The following XKR4 variants were observed in gnomAD, a reference collection of about 807,000 sequenced individuals.
The protein encoded by XKR4 is XK related 4.
Under a neutral mutation model 53.9 loss-of-function variants are expected in XKR4, and 12 were observed. That is an observed-to-expected ratio of 0.22 (90% CI 0.14 to 0.36). The LOEUF is 0.36. Ranked by LOEUF, XKR4 falls within the 10% of genes least tolerant of loss-of-function variation. XKR4 has a pLI of 1.00. For missense variants in XKR4, 799 were observed against 859.5 expected, an observed-to-expected ratio of 0.93 and a Z score of 0.88; for synonymous variants, 354 against 362.4, an observed-to-expected ratio of 0.98 and a Z score of 0.26.
At chr8:55,256,248 T>C (rs114097018) in intron 1 of XKR4, among the ~76,000 whole-genome samples, 1 of 152,202 alleles carries the variant, frequency 6.6e-6, no homozygotes, top group Non-Finnish European at 1.5e-5. Flanking sequence ...TTGGGTCTTA[T>C]GGATCTTATT....
chr8:55,200,548 T>C (rs34601586), intron 1 of XKR4, among the ~76,000 whole-genome samples: 30,642 of 152,160 alleles, frequency 0.2, 3,178 homozygotes, highest in Non-Finnish European at 0.22. Context: ...AAAATGTTTA[T>C]GGAAATAGAA....
chr8:55,106,326 A>G (rs1271320042), intron 1 of XKR4, among the ~76,000 whole-genome samples: 1 of 152,210 alleles, frequency 6.6e-6, no homozygotes, highest in African/African-American at 2.4e-5. Context: ...AACTGCTAAA[A>G]GCAATGATAC....
At chr8:55,199,774 TA>T (rs1309786366) in intron 1 of XKR4, among the ~76,000 whole-genome samples, 3 of 152,230 alleles carry the variant, frequency 2.0e-5, no homozygotes, top group African/African-American at 7.2e-5. Context: ...AGCCACATAA[TA>T]GTAGCAGCTA....
At chr8:55,127,059 G>C (rs1197132869) in intron 1 of XKR4, among the ~76,000 whole-genome samples, 1 of 152,156 alleles carries the variant, frequency 6.6e-6, no homozygotes, top group Non-Finnish European at 1.5e-5. Flanking sequence ...TGAGTCCTGT[G>C]CTAGTGGGTT....
chr8:55,461,041 C>A (rs1805648698), intron 2 of XKR4, among the ~76,000 whole-genome samples: 1 of 152,236 alleles, frequency 6.6e-6, no homozygotes. Context: ...TAGGCTCCAC[C>A]TCTGGGACAG....
At chr8:55,256,564 T>G (rs562923560) in intron 1 of XKR4, among the ~76,000 whole-genome samples, 2 of 152,034 alleles carry the variant, frequency 1.3e-5, no homozygotes, top group Admixed American at 1.3e-4. Context: ...GAGGGAAGAG[T>G]CTAAGTTCTT....
At chr8:55,376,489 G>C (rs998415757) in intron 2 of XKR4, among the ~76,000 whole-genome samples, 1 of 152,096 alleles carries the variant, frequency 6.6e-6, no homozygotes, top group African/African-American at 2.4e-5. Flanking sequence ...GTGATGTTGA[G>C]CTTTTTTTAA....
At chr8:55,433,528 A>G (rs1174202718) in intron 2 of XKR4, among the ~76,000 whole-genome samples, 1 of 152,266 alleles carries the variant, frequency 6.6e-6, no homozygotes, top group East Asian at 1.9e-4. Context: ...TCATTTGTAC[A>G]TAAAGAGAAG....
intron 1 of XKR4, among the ~76,000 whole-genome samples, chr8:55,175,923 G>A (rs949786427): frequency 1.3e-5 from 2 of 152,160 alleles, no homozygotes; most frequent in Admixed American, 6.5e-5. Flanking sequence ...AGTTATTGTT[G>A]TTAGAAGAAA....
intron 2 of XKR4, among the ~76,000 whole-genome samples, chr8:55,491,867 A>G (rs1437286671): frequency 6.6e-6 from 1 of 151,858 alleles, no homozygotes; most frequent in East Asian, 1.9e-4. Flanking sequence ...TCCGTTTACA[A>G]CTCCCCAGGA....
intron 1 of XKR4, among the ~76,000 whole-genome samples, chr8:55,238,821 A>G (rs1818169450): frequency 1.3e-5 from 2 of 152,216 alleles, no homozygotes; most frequent in Non-Finnish European, 2.9e-5. Flanking sequence ...TCATCCATCC[A>G]TGTTAGCAAC....
intron 1 of XKR4, among the ~76,000 whole-genome samples, chr8:55,348,112 G>A (rs1803674530): frequency 6.6e-6 from 1 of 152,152 alleles, no homozygotes; most frequent in Non-Finnish European, 1.5e-5. Context: ...TGGAAGGTCA[G>A]TCGAAGCCCA....
At chr8:55,356,974 C>T (rs1803804182) in intron 1 of XKR4, among the ~76,000 whole-genome samples, 2 of 152,028 alleles carry the variant, frequency 1.3e-5, no homozygotes, top group Admixed American at 1.3e-4. Context: ...TTTCTTTTCT[C>T]TTTATTATAG....
intron 1 of XKR4, among the ~76,000 whole-genome samples, chr8:55,168,800 A>G (rs1357622933): frequency 3.3e-5 from 5 of 152,114 alleles, no homozygotes; most frequent in Non-Finnish European, 7.4e-5. Context: ...AAATGCCGGG[A>G]CTGTCTGCCT....
chr8:55,403,109 T>A (rs1804632528), intron 2 of XKR4, among the ~76,000 whole-genome samples: 1 of 152,354 alleles, frequency 6.6e-6, no homozygotes, highest in Admixed American at 6.5e-5. Flanking sequence ...CCCTGCAGAA[T>A]CTAACCTCAT....
intron 2 of XKR4, among the ~76,000 whole-genome samples, chr8:55,477,474 C>A (rs956472064): frequency 6.6e-6 from 1 of 152,076 alleles, no homozygotes; most frequent in African/African-American, 2.4e-5. Flanking sequence ...AGCAGAAAAA[C>A]TGGAAACTCT....
At chr8:55,446,504 G>A (rs1805349851) in intron 2 of XKR4, among the ~76,000 whole-genome samples, 3 of 152,020 alleles carry the variant, frequency 2.0e-5, no homozygotes, top group Admixed American at 2.0e-4. Context: ...ACCAGTCCTG[G>A]CCAATTTTTT....
intron 1 of XKR4, among the ~76,000 whole-genome samples, chr8:55,153,889 G>A (rs1816871315): frequency 6.6e-6 from 1 of 152,140 alleles, no homozygotes; most frequent in African/African-American, 2.4e-5. Context: ...TAGACATACA[G>A]GCAAATCAAA....
intron 1 of XKR4, among the ~76,000 whole-genome samples, chr8:55,265,646 G>C (rs1818588523): frequency 6.6e-6 from 1 of 152,028 alleles, no homozygotes; most frequent in Admixed American, 6.6e-5. Context: ...TTGAGCCTAG[G>C]AGCCTAGGAG....
Sources: gnomAD v4.1 joint callset for allele counts (sites outside exome capture counted in the v4.1 genomes callset) on GRCh38, gnomAD v4.1.1 for gene constraint, MANE v1.5 for transcripts, NCBI Gene and HGNC (gene_info 2026-07-23, HGNC 2026-07-21) for gene names.